Variants in TUBGCP6 observed in about 807,000 individuals in gnomAD.
TUBGCP6 encodes gamma-tubulin complex component 6.
TUBGCP6 carries 161 observed loss-of-function variants against 175.8 expected under a neutral mutation model. The observed-to-expected ratio is 0.92, with a 90% CI of 0.81 to 1.04. TUBGCP6 has a LOEUF of 1.04. Among genes scored for constraint, TUBGCP6 ranks in the 50% least tolerant of loss-of-function variants. The pLI is 0.00. For synonymous variants in TUBGCP6, 1,173 were observed against 1,030.5 expected (o/e 1.14, Z -2.65); for missense variants, 2,572 against 2,433.0 (o/e 1.06, Z -1.20).
chr22:50,219,656 A>T lies in TUBGCP6; in HGVS notation c.4303T>A (p.Tyr1435Asn). Residue 1435 changes from tyrosine (Y) to asparagine (N), a missense_variant, in exon 18 of 25, where the codon TAC (tyrosine) becomes AAC (asparagine). Physicochemically the swap from Tyr to Asn is moderately radical, Grantham distance 143 (BLOSUM62 -2). Coordinates refer to ENST00000248846, the MANE Select transcript of TUBGCP6 (RefSeq NM_020461.4). ...CTGCTGCACTCACACATGGACTCGT[A>T]ACTGTCCGGGTACCGCTCCAAGTGG... ...QYHLERYPDSYESMSEPPIAH... is the reference protein window; with the variant it reads ...QYHLERYPDSNESMSEPPIAH... 2 of 1,613,486 alleles carry T rather than the reference A, an allele frequency of 1.2e-6. No individual in the cohort carries two copies. Among genetic ancestry groups the T allele is most frequent in the Non-Finnish European group, 1.7e-6 (2 of 1,179,820 alleles).
At chr22:50,229,355 T>C in intron 4 of TUBGCP6, 49 bp downstream of exon 4, 1 of 1,590,502 alleles carries the variant, frequency 6.3e-7, no homozygotes, top group Non-Finnish European at 8.6e-7. Context: ...CCAGGTCGTG[T>C]GCACCGTTCT....
rs200744244 is a variant in TUBGCP6 at position 50,219,415 on chromosome 22, G to A, written c.4357C>T (p.Arg1453Trp). The change falls in exon 19 of 25, where the codon CGG becomes TGG. Residue 1453 changes from arginine to tryptophan, a missense_variant. Transcript: ENST00000248846. The stretch of plus-strand genomic sequence containing the variant: ...GGGTCCACGGGGAAGGCGAAGGCCC[G>A]GGGAAGCACGGGGCGCAAAAGATGA... ...IAHLLRPVLP[R>W]AFAFPVDPQV... 456 of 1,568,410 alleles carry A rather than the reference G, an allele frequency of 2.9e-4. No individual in the cohort carries two copies. Among genetic ancestry groups the A allele is most frequent in the Non-Finnish European group, 3.7e-4 (433 of 1,157,536 alleles).
In TUBGCP6 at chr22:50,240,750, G is replaced by C. The variant is rs187851423; in HGVS notation, c.742-383C>G. On this transcript the variant is annotated intron_variant, in intron 1 of 24. Transcript: ENST00000248846. The stretch of plus-strand genomic sequence containing the variant: ...CACGCCTGTAATCCCAGCACTATGG[G>C]AGGCTGAGGCAGGTGGATCACCTGA... Among the ~76,000 whole-genome samples, 1,076 of 152,366 alleles carry C rather than the reference G, an allele frequency of 7.1e-3. 8 individuals carry two copies. Among genetic ancestry groups the C allele is most frequent in the Non-Finnish European group, 0.011 (731 of 68,044 alleles).
intron 2 of TUBGCP6, among the ~76,000 whole-genome samples, chr22:50,234,227 G>A (rs552174659): frequency 7.0e-6 from 1 of 143,572 alleles, no homozygotes; most frequent in African/African-American, 2.6e-5. Context: ...CAGGTCCACA[G>A]CAGCATCATC....
chr22:50,220,887 A>G lies in TUBGCP6; in HGVS notation c.3472T>C (p.Trp1158Arg), dbSNP rs1262022376. Residue 1158 changes from tryptophan (W) to arginine (R), a missense_variant, in exon 16 of 25, where the codon TGG becomes CGG. Coordinates refer to ENST00000248846, the MANE Select transcript of TUBGCP6 (RefSeq NM_020461.4). ...TCGGACACGTGTCCATGGGTGTTCC[A>G]CCGTGGCCGGGTGGGAGCCACGTCC... ...VSDVAPTRPR[W>R]NTHGHVSDAS... 6.2e-7 allele frequency: 1 copy of G among 1,612,012 alleles called. No homozygotes were observed. Among genetic ancestry groups the G allele is most frequent in the Non-Finnish European group, 8.5e-7 (1 of 1,179,604 alleles).
At position 50,244,489 on chromosome 22, in the gene TUBGCP6, G is replaced by C. The variant is rs2064893448; in HGVS notation, c.-30C>G. On this transcript the variant is annotated 5_prime_UTR_variant, in exon 1 of 25. Coordinates refer to ENST00000248846, the MANE Select transcript of TUBGCP6 (RefSeq NM_020461.4). ...CTTCTCAGCTCCGGGCCCCCGGCGT[G>C]TGGGAAAACACCTCACCCGGGCTTC... 1.3e-6 allele frequency: 2 copies of C among 1,582,380 alleles called. No homozygotes were observed. The highest frequency in any genetic ancestry group is 2.3e-5 in the South Asian group (2 of 88,536).
chr22:50,221,500 A>G lies in TUBGCP6; in HGVS notation c.2859T>C (p.Phe953=), dbSNP rs761198930. Reference sequence around the variant, plus strand: ...CCACAGCTGGCCTCAGGACAGTACTAAAGTCGTACTCCTGTGGCCTGGAGG... The same window carrying G: ...CCACAGCTGGCCTCAGGACAGTACTGAAGTCGTACTCCTGTGGCCTGGAGG... The part of the protein sequence containing the change: ...TQPSRPQEYD[F]STVLRPAVAT... Residue 953 remains phenylalanine, a synonymous_variant, in exon 16 of 25, where the codon TTT becomes TTC. Transcript: ENST00000248846. The G allele has an allele frequency of 5.0e-6, 8 of 1,587,374 alleles. No homozygotes were observed. Among genetic ancestry groups the G allele is most frequent in the South Asian group, 1.1e-5 (1 of 88,384 alleles).
At position 50,218,854 on chromosome 22, in the gene TUBGCP6, A is replaced by C. The variant is rs1011413688; in HGVS notation, c.4670T>G (p.Val1557Gly). 5 of 1,613,870 alleles carry C rather than the reference A, an allele frequency of 3.1e-6. No homozygotes were observed. Among genetic ancestry groups the C allele is most frequent in the Non-Finnish European group, 4.2e-6 (5 of 1,179,938 alleles). ...GGCCTTGCTCAGCACAGAGTTCAGC[A>C]CCAGCGGGTTGAGCAGCTCTCCGGG... ...QTPGELLNPL[V>G]LNSVLSKALQ... is the part of the protein sequence containing the mutation. The change falls in exon 21 of 25, where the codon GTG (valine) becomes GGG (glycine). Residue 1557 changes from valine (V) to glycine (G), a missense_variant. Val to Gly is a moderately radical substitution (Grantham distance 109, BLOSUM62 -3). Transcript: ENST00000248846.
chr22:50,220,728 G>A lies in TUBGCP6; in HGVS notation c.3631C>T (p.Arg1211Trp), dbSNP rs138250830. 282 of 1,610,856 alleles carry A rather than the reference G, an allele frequency of 1.8e-4. No homozygotes were observed. Among genetic ancestry groups the A allele is most frequent in the African/African-American group, 5.4e-4 (40 of 74,616 alleles). Reference protein sequence around the residue: ...SVSDMAPTRPRWNTHGHVSDT... With the variant: ...SVSDMAPTRPWWNTHGHVSDT... ...GACACATGTCCGTGGGTGTTCCACCGTGGCCGGGTGGGAGCCATGTCTGAC... is the reference window on the plus strand; with the variant it reads ...GACACATGTCCGTGGGTGTTCCACCATGGCCGGGTGGGAGCCATGTCTGAC... Residue 1211 changes from arginine (R) to tryptophan (W), a missense_variant, in exon 16 of 25, where the codon CGG (arginine) becomes TGG (tryptophan). Transcript: ENST00000248846.
chr22:50,218,518 T>C lies in TUBGCP6; in HGVS notation c.4924A>G (p.Lys1642Glu). Reference protein sequence around the residue: ...LQLKLMMWALKDVCFHLKRTA... With the variant: ...LQLKLMMWALEDVCFHLKRTA... ...CGCTTGAGGTGGAAGCAGACGTCCT[T>C]GAGCGCCCACATCATGAGCTTCAGC... Residue 1642 changes from lysine to glutamate, a missense_variant, in exon 22 of 25, where the codon AAG (lysine) becomes GAG (glutamate). By Grantham distance (56) the Lys-to-Glu change is moderately conservative (BLOSUM62 1). Transcript: ENST00000248846. 2 of 1,613,624 alleles carry C rather than the reference T, an allele frequency of 1.2e-6. No individual in the cohort carries two copies. Among genetic ancestry groups the C allele is most frequent in the Non-Finnish European group, 1.7e-6 (2 of 1,179,940 alleles).
chr22:50,231,257 CA>C (rs34246563), intron 3 of TUBGCP6, among the ~76,000 whole-genome samples: 58,237 of 151,294 alleles, frequency 0.38, 11,661 homozygotes, highest in South Asian at 0.43. Flanking sequence ...AGTTTGAGAC[CA>C]GCCTGGTCAA....
In TUBGCP6 at chr22:50,229,580, G is replaced by C. The variant is rs1170493511; in HGVS notation, c.1117-3C>G. On this transcript the variant is annotated splice_polypyrimidine_tract_variant and splice_region_variant and intron_variant, in intron 3 of 24. Transcript: ENST00000248846. ...TTCACCACAAAGGCCTGGGCCGGCT[G>C]CACAGGGGCAGAGGACACTGGTCAC... 3 of 1,583,388 alleles carry C rather than the reference G, an allele frequency of 1.9e-6. No individual in the cohort carries two copies. The highest frequency in any genetic ancestry group is 3.6e-5 in the Admixed American group (2 of 56,026).
At chr22:50,218,945 T>A in intron 20 of TUBGCP6, 48 bp from the exon 21 acceptor site, 1 of 1,588,524 alleles carries the variant, frequency 6.3e-7, no homozygotes. Flanking sequence ...AGCACATGCC[T>A]GGCACTCGCC....
intron 5 of TUBGCP6, among the ~76,000 whole-genome samples, chr22:50,227,595 C>T (rs952936631): frequency 6.6e-5 from 10 of 152,210 alleles, no homozygotes; most frequent in African/African-American, 1.4e-4. Context: ...CAATAGCCCC[C>T]GAGCCTGGTT....
At chr22:50,219,019 C>G (rs1305565975) in intron 20 of TUBGCP6, 49 bp downstream of exon 20, 1 of 1,605,304 alleles carries the variant, frequency 6.2e-7, no homozygotes, top group Non-Finnish European at 8.5e-7. Context: ...TCTCTCTTTT[C>G]CCACGGCCTC....
rs772517060 is a variant in TUBGCP6 at position 50,243,845 on chromosome 22, C to A, written c.615G>T (p.Arg205Ser). The change falls in exon 1 of 25, where the codon AGG becomes AGT. Residue 205 changes from arginine (R) to serine (S), a missense_variant. Physicochemically the swap from Arg to Ser is moderately radical, Grantham distance 110. Coordinates refer to ENST00000248846, the MANE Select transcript of TUBGCP6 (RefSeq NM_020461.4). The stretch of plus-strand genomic sequence containing the variant: ...GCGAGACCCGGGTGTCTCTCTCGAA[C>A]CTGTCACCACAAGGGTCACCAAATG... Reference protein sequence around the residue: ...LFSFGDPCGDRFERDTRVSLF... With the variant: ...LFSFGDPCGDSFERDTRVSLF... 6.2e-7 allele frequency: 1 copy of A among 1,613,806 alleles called. No homozygotes were observed. Among genetic ancestry groups the A allele is most frequent in the Admixed American group, 1.7e-5 (1 of 60,002 alleles).
chr22:50,244,519 A>T lies in TUBGCP6; in HGVS notation c.-60T>A. On this transcript the variant is annotated 5_prime_UTR_variant, in exon 1 of 25. Transcript: ENST00000248846. Reference sequence around the variant, plus strand: ...AAAACACCTCACCCGGGCTTCACTCACGCTCCGGAAGACAGGGAGTGAGAG... The same window carrying T: ...AAAACACCTCACCCGGGCTTCACTCTCGCTCCGGAAGACAGGGAGTGAGAG... 2 of 1,518,548 alleles carry T rather than the reference A, an allele frequency of 1.3e-6. No individual in the cohort carries two copies. The highest frequency in any genetic ancestry group is 4.7e-5 in the East Asian group (2 of 42,122). 94.1% of individuals were successfully genotyped at this position (1,518,548 alleles called of 1,614,324 possible).
At chr22:50,242,337 A>G (rs1490375983) in intron 1 of TUBGCP6, among the ~76,000 whole-genome samples, 1 of 152,044 alleles carries the variant, frequency 6.6e-6, no homozygotes, top group Non-Finnish European at 1.5e-5. Context: ...CAAACATATA[A>G]AATACAAAAA....
At position 50,227,986 on chromosome 22, in the gene TUBGCP6, C is replaced by T; in HGVS notation, c.1333G>A (p.Ala445Thr). 6.4e-7 allele frequency: 1 copy of T among 1,570,022 alleles called. No homozygotes were observed. The highest frequency in any genetic ancestry group is 8.6e-7 in the Non-Finnish European group (1 of 1,157,498). Reference protein sequence around the residue: ...GLRRYLQYYRACVLSTPPTLS... With the variant: ...GLRRYLQYYRTCVLSTPPTLS... The stretch of plus-strand genomic sequence containing the variant: ...GTGGGCGGAGTGGAAAGGACGCAGG[C>T]CCGGTAATACTGCAGGTACCTCCTC... Residue 445 changes from alanine (A) to threonine (T), a missense_variant, in exon 5 of 25, where the codon GCC becomes ACC. By Grantham distance (58) the Ala-to-Thr change is moderately conservative. Coordinates refer to ENST00000248846, the MANE Select transcript of TUBGCP6 (RefSeq NM_020461.4).
Sources: gnomAD v4.1 joint callset for allele counts (sites outside exome capture counted in the v4.1 genomes callset) on GRCh38, gnomAD v4.1.1 for gene constraint, MANE v1.5 for transcripts, NCBI Gene and HGNC (gene_info 2026-07-23, HGNC 2026-07-21) for gene names.